Variants in DMD observed in about 807,000 individuals in gnomAD.
The protein encoded by DMD is mutant dystrophin.
DMD carries 63 observed loss-of-function variants against 330.1 expected under a neutral mutation model. The observed-to-expected ratio is 0.19, with a 90% CI of 0.16 to 0.24. DMD has a LOEUF of 0.24. Ranked by LOEUF, DMD falls within the 10% of genes least tolerant of loss-of-function variation. The probability of loss-of-function intolerance (pLI) is 1.00; values close to 1 mark genes in which losing one functional copy is unlikely to be tolerated. For synonymous variants in DMD, 1,223 were observed against 959.8 expected (o/e 1.27, Z -5.07); for missense variants, 3,344 against 2,684.1 (o/e 1.25, Z -5.43).
chrX:32,933,633 A>G lies in DMD; in HGVS notation c.94-83813T>C, dbSNP rs1384933345. On this transcript the variant is annotated intron_variant, in intron 2 of 78. Transcript: ENST00000357033. ...ATGGATCTATCCAGAAAAAAATGAG[A>G]CTTAATTACACAAAGGAAAAACTGT... Among the ~76,000 whole-genome samples the G allele has an allele frequency of 2.7e-5, 3 of 111,888 alleles. No homozygotes were observed. The South Asian group carries it at 1.1e-3, about 42-fold the overall frequency.
intron 1 of DMD, among the ~76,000 whole-genome samples, chrX:33,328,046 A>G (rs909086385): frequency 8.9e-6 from 1 of 112,180 alleles, no homozygotes; most frequent in East Asian, 2.8e-4. Flanking sequence ...TCCACTATAG[A>G]AAATGAAAAC....
At chrX:31,141,237 A>AACAACAACAACAACAAC (rs770172375) in intron 76 of DMD, among the ~76,000 whole-genome samples, 4 of 105,949 alleles carry the variant, frequency 3.8e-5, no homozygotes, top group African/African-American at 1.5e-4. Flanking sequence ...ACAACAACAA[A>AACAACAACAACAACAAC]ACCAGAATGA....
chrX:31,541,500 C>T lies in DMD; in HGVS notation c.8218-34047G>A, dbSNP rs757339147. Among the ~76,000 whole-genome samples, 146 of 89,535 alleles carry T rather than the reference C, an allele frequency of 1.6e-3. 1 individual carries two copies. Among genetic ancestry groups the T allele is most frequent in the African/African-American group, 5.5e-3 (142 of 26,029 alleles). The allele number at this position is 89,535 out of a possible 115,157, so 77.8% of individuals were successfully genotyped here. ...CTATCCCTCCCCCCTCCCCCCACCC[C>T]ACGACAGGCCCTGGTGTGTGATGTT... On this transcript the variant is annotated intron_variant, in intron 55 of 78. Coordinates refer to ENST00000357033, the MANE Select transcript of DMD (RefSeq NM_004006.3).
chrX:31,704,973 A>C (rs1267097541), intron 52 of DMD, among the ~76,000 whole-genome samples: 2 of 112,347 alleles, frequency 1.8e-5, no homozygotes, highest in African/African-American at 6.5e-5. Flanking sequence ...GACTCCACTT[A>C]TTGAATGCAT....
At chrX:32,563,974 G>A (rs1164424555) in intron 16 of DMD, among the ~76,000 whole-genome samples, 2 of 111,634 alleles carry the variant, frequency 1.8e-5, no homozygotes, top group African/African-American at 6.5e-5. Flanking sequence ...ATTAAGCCCA[G>A]TATCCAATAG....
At chrX:31,948,252 C>T (rs754336404) in intron 45 of DMD, among the ~76,000 whole-genome samples, 25 of 111,890 alleles carry the variant, frequency 2.2e-4, no homozygotes, top group Non-Finnish European at 4.3e-4. Context: ...ACCACATTTT[C>T]TTTATCCATG....
At chrX:32,405,039 A>C (rs951472543) in intron 30 of DMD, among the ~76,000 whole-genome samples, 3 of 111,998 alleles carry the variant, frequency 2.7e-5, no homozygotes, top group Non-Finnish European at 5.6e-5. Context: ...ACGTTGACAC[A>C]GTCATAGAAG....
chrX:31,266,347 G>A (rs2051115011), intron 62 of DMD, among the ~76,000 whole-genome samples: 1 of 111,364 alleles, frequency 9.0e-6, no homozygotes, highest in South Asian at 3.7e-4. Flanking sequence ...AAATCAGGCA[G>A]AAAGTTGACC....
chrX:31,825,652 T>C (rs2092877629), intron 49 of DMD, among the ~76,000 whole-genome samples: 1 of 112,009 alleles, frequency 8.9e-6, no homozygotes, highest in Non-Finnish European at 1.9e-5. Context: ...GGGTCTCAAC[T>C]GAAGAAAGGG....
chrX:31,483,222 A>AT (rs1301297149), intron 57 of DMD, among the ~76,000 whole-genome samples: 4 of 107,143 alleles, frequency 3.7e-5, no homozygotes, highest in African/African-American at 1.0e-4. Flanking sequence ...AATTTTTTGT[A>AT]TTTTTAGTAG....
rs1376610300 is a variant in DMD, at chrX:31,576,906, A to G, written c.8217+50767T>C. Among the ~76,000 whole-genome samples, 5 of 110,491 alleles carry G rather than the reference A, an allele frequency of 4.5e-5. 1 individual carries two copies. The highest frequency in any genetic ancestry group is 9.5e-5 in the Non-Finnish European group (5 of 52,756). ...AATTTTTTGTGTTTTTAGTAGAGAC[A>G]GGGTTTCACCGTGTTAGCCAGGATG... On this transcript the variant is annotated intron_variant, in intron 55 of 78. Transcript: ENST00000357033.
chrX:33,191,999 C>G (rs996495057), intron 1 of DMD, among the ~76,000 whole-genome samples: 2 of 112,085 alleles, frequency 1.8e-5, no homozygotes, highest in African/African-American at 6.5e-5. Flanking sequence ...AGAAACAGAC[C>G]TGTAAACAGT....
chrX:33,009,590 ATGTG>A lies in DMD; in HGVS notation c.93+10545_93+10548del, dbSNP rs749415966. Among the ~76,000 whole-genome samples the A allele has an allele frequency of 6.2e-5, 4 of 64,864 alleles. 2 individuals are homozygous for A. Among genetic ancestry groups the A allele is most frequent in the Non-Finnish European group, 6.4e-5 (2 of 31,086 alleles). 56.3% of individuals were successfully genotyped at this position (64,864 alleles called of 115,157 possible). Reference sequence around the variant, plus strand: ...TATGTGTATATACACATATGTGTGTATGTGTGTATGTGTATATACACATATGTGT... The same window carrying A: ...TATGTGTATATACACATATGTGTGTATGTATGTGTATATACACATATGTGT... On this transcript the variant is annotated intron_variant, in intron 2 of 78. Coordinates refer to ENST00000357033, the MANE Select transcript of DMD (RefSeq NM_004006.3).
chrX:31,978,993 C>T (rs1453805721), intron 44 of DMD, among the ~76,000 whole-genome samples: 1 of 112,148 alleles, frequency 8.9e-6, no homozygotes, highest in Non-Finnish European at 1.9e-5. Flanking sequence ...GTTATCTATC[C>T]TATAAAATCA....
chrX:32,767,024 C>G (rs1411964120), intron 7 of DMD, among the ~76,000 whole-genome samples: 3 of 111,567 alleles, frequency 2.7e-5, no homozygotes, highest in Non-Finnish European at 5.7e-5. Context: ...TTAAACAAAA[C>G]TACTCCGCAT....
At chrX:31,236,494 G>A (rs1295542309) in intron 63 of DMD, among the ~76,000 whole-genome samples, 1 of 112,398 alleles carries the variant, frequency 8.9e-6, no homozygotes, top group African/African-American at 3.2e-5. Context: ...CTTGCTACCA[G>A]GTGGTGCCAC....
chrX:31,195,716 G>A (rs192015982), intron 67 of DMD, among the ~76,000 whole-genome samples: 1,113 of 106,791 alleles, frequency 0.01, 10 homozygotes, highest in African/African-American at 0.036. Context: ...GAAGGAAGGA[G>A]GGAAGGAGAA....
intron 7 of DMD, among the ~76,000 whole-genome samples, chrX:32,775,995 A>C (rs1156457886): frequency 8.9e-6 from 1 of 112,035 alleles, no homozygotes; most frequent in Admixed American, 9.5e-5. Context: ...AAGTCAAGTC[A>C]CATCTTGAAT....
chrX:32,693,982 T>C (rs909464718), intron 9 of DMD, among the ~76,000 whole-genome samples: 2 of 112,080 alleles, frequency 1.8e-5, no homozygotes, highest in Non-Finnish European at 1.9e-5. Flanking sequence ...TATATTAGGA[T>C]TTCCCAGACA....
Sources: allele counts gnomAD v4.1 joint callset (sites outside exome capture counted in the v4.1 genomes callset), GRCh38; gene constraint gnomAD v4.1.1; transcripts MANE v1.5; gene names NCBI Gene and HGNC (gene_info 2026-07-23, HGNC 2026-07-21).